SNTG1: variants seen among roughly 807,000 people sequenced by gnomAD.
The protein encoded by SNTG1 is gamma-1-syntrophin.
Under a neutral mutation model 74.7 loss-of-function variants are expected in SNTG1, and 39 were observed. The observed-to-expected ratio is 0.52, with a 90% CI of 0.40 to 0.68. The LOEUF is 0.68. Among genes scored for constraint, SNTG1 ranks in the 30% least tolerant of loss-of-function variants. The pLI, the probability that SNTG1 is intolerant of heterozygous loss-of-function variation, is 0.00. For synonymous variants in SNTG1, 254 were observed against 217.1 expected, an observed-to-expected ratio of 1.17 and a Z score of -1.49; for missense variants, 685 against 609.5, an observed-to-expected ratio of 1.12 and a Z score of -1.30.
intron 5 of SNTG1, among the ~76,000 whole-genome samples, chr8:50,440,072 T>A: frequency 6.6e-6 from 1 of 151,636 alleles, no homozygotes; most frequent in African/African-American, 2.4e-5. Context: ...TTTCATTATT[T>A]CAATCCAATC....
At chr8:50,459,730 G>A (rs894521148) in intron 8 of SNTG1, among the ~76,000 whole-genome samples, 6 of 152,028 alleles carry the variant, frequency 3.9e-5, no homozygotes, top group Admixed American at 2.0e-4. Context: ...ATGAGTACCC[G>A]ATGTTTAGCT....
intron 2 of SNTG1, among the ~76,000 whole-genome samples, chr8:50,274,854 T>C (rs770164028): frequency 4.6e-5 from 7 of 152,228 alleles, no homozygotes; most frequent in Non-Finnish European, 8.8e-5. Flanking sequence ...ATTGATTACA[T>C]AATTGATTTT....
intron 9 of SNTG1, among the ~76,000 whole-genome samples, chr8:50,510,882 A>G (rs2094065663): frequency 6.6e-6 from 1 of 152,042 alleles, no homozygotes; most frequent in Admixed American, 6.6e-5. Context: ...GGATTCATTG[A>G]TTTTTTGAAC....
chr8:50,397,353 G>A (rs1053423303), intron 3 of SNTG1, among the ~76,000 whole-genome samples: 4 of 152,096 alleles, frequency 2.6e-5, no homozygotes, highest in African/African-American at 9.7e-5. Context: ...GGTGATTTTC[G>A]ATATCTAAAC....
intron 2 of SNTG1, among the ~76,000 whole-genome samples, chr8:50,336,013 C>A (rs566066680): frequency 6.6e-6 from 1 of 151,870 alleles, no homozygotes; most frequent in Non-Finnish European, 1.5e-5. Flanking sequence ...CTGTGTCTTC[C>A]GAATCCACCA....
In SNTG1 at chr8:50,431,838, T is replaced by A. The variant is rs148065808; in HGVS notation, c.163-6705T>A. On this transcript the variant is annotated intron_variant, in intron 4 of 18. Transcript: ENST00000642720. ...TATTTGCATATCTTTTTTGATTAAGTGTTTGCTCAAATACTTCAGCCACTT... is the reference window on the plus strand; with the variant it reads ...TATTTGCATATCTTTTTTGATTAAGAGTTTGCTCAAATACTTCAGCCACTT... 6.1e-3 allele frequency among the ~76,000 whole-genome samples: 930 copies of A among 152,304 alleles called. 10 individuals are homozygous for A. The highest frequency in any genetic ancestry group is 0.023 in the Admixed American group (352 of 15,280).
intron 13 of SNTG1, among the ~76,000 whole-genome samples, chr8:50,636,016 G>A (rs2095036787): frequency 6.6e-6 from 1 of 151,816 alleles, no homozygotes; most frequent in African/African-American, 2.4e-5. Context: ...AATCCTGCCA[G>A]AATTTGCTAT....
intron 8 of SNTG1, among the ~76,000 whole-genome samples, chr8:50,501,620 T>A (rs1223601167): frequency 4.4e-4 from 66 of 150,086 alleles, no homozygotes; most frequent in African/African-American, 1.3e-3. Flanking sequence ...TATTTTTTTT[T>A]TTTTTTTTTG....
intron 15 of SNTG1, among the ~76,000 whole-genome samples, chr8:50,694,470 A>T (rs2095395998): frequency 6.6e-6 from 1 of 152,124 alleles, no homozygotes; most frequent in Non-Finnish European, 1.5e-5. Context: ...AGAAAATCCC[A>T]AGGCCTGATG....
chr8:50,439,722 T>C (rs1172007766), intron 5 of SNTG1, among the ~76,000 whole-genome samples: 7 of 149,288 alleles, frequency 4.7e-5, no homozygotes, highest in Non-Finnish European at 3.0e-5. Context: ...TTTGCTTTTT[T>C]TTTTTTTTTT....
chr8:50,507,764 A>T (rs991709777), intron 9 of SNTG1, among the ~76,000 whole-genome samples: 2 of 151,938 alleles, frequency 1.3e-5, no homozygotes, highest in African/African-American at 2.4e-5. Flanking sequence ...TACATGTGCC[A>T]TGTTGGTGTG....
chr8:50,019,698 C>T (rs370573618), intron 1 of SNTG1, among the ~76,000 whole-genome samples: 1 of 152,034 alleles, frequency 6.6e-6, no homozygotes, highest in Admixed American at 6.6e-5. Flanking sequence ...AATCAAATAA[C>T]CCCCCAAAGA....
intron 12 of SNTG1, among the ~76,000 whole-genome samples, chr8:50,590,111 T>C (rs2094682260): frequency 6.6e-6 from 1 of 152,118 alleles, no homozygotes; most frequent in Non-Finnish European, 1.5e-5. Context: ...AAGGACAAAA[T>C]AAAATAAGTC....
rs375929641 is a variant in SNTG1, at chr8:50,180,481, T to G, written c.-28+7846T>G. Among the ~76,000 whole-genome samples, 9 of 152,256 alleles carry G rather than the reference T, an allele frequency of 5.9e-5. No homozygotes were observed. The South Asian group carries it at 8.3e-4, about 14-fold the overall frequency. ...AAAACGTCTTGAAACTAGATAGAAG[T>G]AATATTTGCACAATGTTGTGAATTT... On this transcript the variant is annotated intron_variant, in intron 2 of 18. Transcript: ENST00000642720.
At chr8:50,227,559 A>G (rs2085392934) in intron 2 of SNTG1, among the ~76,000 whole-genome samples, 1 of 152,128 alleles carries the variant, frequency 6.6e-6, no homozygotes, top group Non-Finnish European at 1.5e-5. Context: ...CAGACCACAC[A>G]CAGAGGCCCA....
chr8:50,035,654 GA>G (rs759955308), intron 1 of SNTG1, among the ~76,000 whole-genome samples: 23 of 152,146 alleles, frequency 1.5e-4, no homozygotes, highest in Non-Finnish European at 4.4e-5. Flanking sequence ...TATCAGTTGA[GA>G]TTCCAAATTC....
chr8:50,561,287 C>G (rs1366176623), intron 12 of SNTG1, among the ~76,000 whole-genome samples: 1 of 152,088 alleles, frequency 6.6e-6, no homozygotes. Flanking sequence ...TGAGGCCTCC[C>G]CAGCCATGAG....
At chr8:50,564,013 T>C (rs2094502138) in intron 12 of SNTG1, among the ~76,000 whole-genome samples, 1 of 152,170 alleles carries the variant, frequency 6.6e-6, no homozygotes, top group Non-Finnish European at 1.5e-5. Flanking sequence ...CTAGTTCTGA[T>C]TTGAGAAAGA....
At chr8:50,728,565 G>C (rs953303288) in intron 17 of SNTG1, among the ~76,000 whole-genome samples, 4 of 152,098 alleles carry the variant, frequency 2.6e-5, no homozygotes, top group African/African-American at 9.7e-5. Context: ...AGCCACATTG[G>C]TGGCACCTTG....
Sources: allele counts gnomAD v4.1 joint callset (sites outside exome capture counted in the v4.1 genomes callset), GRCh38; gene constraint gnomAD v4.1.1; transcripts MANE v1.5; gene names NCBI Gene and HGNC (gene_info 2026-07-23, HGNC 2026-07-21).